Variants in CFAP221 observed in about 807,000 individuals in gnomAD.
CFAP221 encodes cilia and flagella associated protein 221, also known as cilia- and flagella-associated protein 221.
In CFAP221, 97 loss-of-function variants were observed where a neutral mutation model predicts 113.1. That is an observed-to-expected ratio of 0.86 (90% confidence interval 0.73 to 1.02). The LOEUF (loss-of-function observed/expected upper bound fraction) is 1.02, where lower values mean the gene tolerates loss of function less well. Among genes scored for constraint, CFAP221 ranks in the 50% least tolerant of loss-of-function variants. The pLI, the probability that CFAP221 is intolerant of heterozygous loss-of-function variation, is 0.00. For synonymous variants in CFAP221, 331 were observed against 354.4 expected (o/e 0.93, Z 0.74); for missense variants, 1,025 against 1,013.4 (o/e 1.01, Z -0.16).
downstream of CFAP221, among the ~76,000 whole-genome samples, chr2:119,657,101 T>C (rs1345436534): frequency 6.6e-5 from 10 of 152,132 alleles, no homozygotes; most frequent in Admixed American, 5.2e-4. Flanking sequence ...GGCCTCAGTA[T>C]TGTGTTTGTG....
At chr2:119,641,197 C>T (rs1440440127) in intron 21 of CFAP221, among the ~76,000 whole-genome samples, 1 of 152,190 alleles carries the variant, frequency 6.6e-6, no homozygotes, top group Non-Finnish European at 1.5e-5. Context: ...AAGGCTTTCC[C>T]ATGTGCCGTC....
chr2:119,603,213 A>T (rs1253874315), intron 8 of CFAP221, among the ~76,000 whole-genome samples: 1 of 151,970 alleles, frequency 6.6e-6, no homozygotes, highest in East Asian at 1.9e-4. Context: ...CATGTAACTG[A>T]TTTATCATTT....
rs772820386 is a variant in CFAP221, at chr2:119,630,675, G to A, written c.1837G>A (p.Glu613Lys). 2 of 1,610,884 alleles carry A rather than the reference G, an allele frequency of 1.2e-6. No individual in the cohort carries two copies. Among genetic ancestry groups the A allele is most frequent in the Non-Finnish European group, 1.7e-6 (2 of 1,177,054 alleles). Residue 613 changes from glutamate (E) to lysine (K), a missense_variant and splice_region_variant, in exon 18 of 24, where the codon GAG becomes AAG. Glu to Lys is a moderately conservative substitution (Grantham distance 56, BLOSUM62 1). Transcript: ENST00000413369. ...TGCCCGAGCCCTAAAGCAAGGAGCT[G>A]AGGTAACACACCCCCATCTTCCAGA... ...KLARALKQGAEDEVTTITALP... is the reference protein window; with the variant it reads ...KLARALKQGAKDEVTTITALP...
At chr2:119,637,457 A>T (rs891413591) in intron 19 of CFAP221, among the ~76,000 whole-genome samples, 1 of 152,212 alleles carries the variant, frequency 6.6e-6, no homozygotes, top group Non-Finnish European at 1.5e-5. Flanking sequence ...CCATAAGCTA[A>T]GTGGTTTTGT....
At position 119,559,717 on chromosome 2, in the gene CFAP221, C is replaced by T. The variant is rs1366055533; in HGVS notation, c.269C>T (p.Thr90Ile). ...CTGGTCAATGTTTCCAATGAAGACA[C>T]ACGTGTTCATATTTTACCCCCGCAA... is the stretch of plus-strand genomic sequence containing the variant. The part of the protein sequence containing the change: ...LHLVNVSNED[T>I]RVHILPPQTK... Residue 90 changes from threonine to isoleucine, a missense_variant, in exon 4 of 24, where the codon ACA (threonine) becomes ATA (isoleucine). Physicochemically the swap from Thr to Ile is moderately conservative, Grantham distance 89. Transcript: ENST00000413369. 6.5e-7 allele frequency: 1 copy of T among 1,532,028 alleles called. No individual in the cohort carries two copies. Among genetic ancestry groups the T allele is most frequent in the Non-Finnish European group, 8.7e-7 (1 of 1,143,390 alleles). 94.9% of individuals were successfully genotyped at this position (1,532,028 alleles called of 1,614,324 possible). A position where few individuals can be genotyped will look rare whatever the true frequency, so the allele number is the denominator to read the frequency against.
chr2:119,645,936 A>T (rs754941781), intron 21 of CFAP221, among the ~76,000 whole-genome samples: 1 of 152,102 alleles, frequency 6.6e-6, no homozygotes, highest in African/African-American at 2.4e-5. Context: ...TTCGGTTTTT[A>T]TTCCTTCTAT....
At chr2:119,643,105 C>T (rs914190341) in intron 21 of CFAP221, among the ~76,000 whole-genome samples, 7 of 152,096 alleles carry the variant, frequency 4.6e-5, no homozygotes, top group Non-Finnish European at 1.0e-4. Flanking sequence ...AGTTATGTTT[C>T]AACGTGAATT....
At chr2:119,546,611 T>G (rs563383309) in intron 2 of CFAP221, among the ~76,000 whole-genome samples, 1 of 152,296 alleles carries the variant, frequency 6.6e-6, no homozygotes, top group East Asian at 1.9e-4. Flanking sequence ...CCTGGCTGGC[T>G]TTTATCCCTA....
intron 23 of CFAP221, 62 bp from the exon 24 acceptor site, chr2:119,656,300 G>C: frequency 7.6e-7 from 1 of 1,320,668 alleles, no homozygotes; most frequent in Non-Finnish European, 1.1e-6. Context: ...GCTGGCGGGG[G>C]GTGATTTGCG....
intron 14 of CFAP221, among the ~76,000 whole-genome samples, chr2:119,616,646 A>G (rs773917958): frequency 4.6e-5 from 7 of 152,106 alleles, no homozygotes; most frequent in Non-Finnish European, 7.4e-5. Flanking sequence ...TCTAGCAGCC[A>G]CTGTCCTCTC....
chr2:119,624,126 A>C (rs1686126719), intron 14 of CFAP221, among the ~76,000 whole-genome samples: 1 of 152,260 alleles, frequency 6.6e-6, no homozygotes, highest in Admixed American at 6.5e-5. Context: ...TCCATTTGAC[A>C]AAAGGCTAAT....
At chr2:119,596,354 C>T (rs1272042828) in intron 7 of CFAP221, among the ~76,000 whole-genome samples, 2 of 152,206 alleles carry the variant, frequency 1.3e-5, no homozygotes, top group Non-Finnish European at 2.9e-5. Context: ...AGTCGCCCTG[C>T]CCTCCATGGG....
intron 3 of CFAP221, among the ~76,000 whole-genome samples, chr2:119,555,201 A>T (rs1345263872): frequency 6.6e-6 from 1 of 151,418 alleles, no homozygotes; most frequent in Non-Finnish European, 1.5e-5. Context: ...GTTCTGAAAA[A>T]CTCTAGAAGG....
rs1684942056 is a variant in CFAP221 at position 119,608,605 on chromosome 2, A to G, written c.1221+16A>G. ...CAAATATAAGGTCAGAGTTACTGCT[A>G]ATTTGCTATCATTTGTTTCGCTAGA... On this transcript the variant is annotated intron_variant, in intron 12 of 23. Transcript: ENST00000413369. 8 of 1,588,992 alleles carry G rather than the reference A, an allele frequency of 5.0e-6. No homozygotes were observed. Among genetic ancestry groups the G allele is most frequent in the Non-Finnish European group, 6.9e-6 (8 of 1,161,634 alleles).
intron 12 of CFAP221, among the ~76,000 whole-genome samples, chr2:119,611,151 A>C (rs1276215258): frequency 6.6e-6 from 1 of 151,872 alleles, no homozygotes; most frequent in Non-Finnish European, 1.5e-5. Context: ...TGGATAATCG[A>C]CTCTGAGGAG....
chr2:119,618,795 G>A (rs932119835), intron 14 of CFAP221, among the ~76,000 whole-genome samples: 4 of 152,090 alleles, frequency 2.6e-5, no homozygotes, highest in South Asian at 2.1e-4. Flanking sequence ...CTAGCTCGGC[G>A]AATCCCACCC....
rs1236358359 is a variant in CFAP221 at position 119,585,550 on chromosome 2, A to G, written c.528-1569A>G. Among the ~76,000 whole-genome samples, 128 of 152,296 alleles carry G rather than the reference A, an allele frequency of 8.4e-4. 1 individual carries two copies. Among genetic ancestry groups the G allele is most frequent in the Non-Finnish European group, 1.6e-4 (11 of 68,016 alleles). On this transcript the variant is annotated intron_variant, in intron 6 of 23. Coordinates refer to ENST00000413369, the MANE Select transcript of CFAP221 (RefSeq NM_001271049.2). The stretch of plus-strand genomic sequence containing the variant: ...CATGCTGATATACCCAAAGCAAAAG[A>G]TTTGTTAGAGCTCAGTAGTAGATAA...
intron 22 of CFAP221, among the ~76,000 whole-genome samples, chr2:119,651,692 T>C (rs1256681457): frequency 6.6e-6 from 1 of 152,230 alleles, no homozygotes; most frequent in East Asian, 1.9e-4. Context: ...TTGGTAAATG[T>C]TCCATGTGCA....
At chr2:119,568,157 C>A (rs946162192) in intron 6 of CFAP221, among the ~76,000 whole-genome samples, 4 of 152,120 alleles carry the variant, frequency 2.6e-5, no homozygotes, top group Admixed American at 1.3e-4. Context: ...TATGTATACA[C>A]ATATCTGTGA....
Sources: gnomAD v4.1 joint callset for allele counts (sites outside exome capture counted in the v4.1 genomes callset) on GRCh38, gnomAD v4.1.1 for gene constraint, MANE v1.5 for transcripts, NCBI Gene and HGNC (gene_info 2026-07-23, HGNC 2026-07-21) for gene names.